TTC6: variants seen among roughly 807,000 people sequenced by gnomAD.
TTC6 encodes the protein tetratricopeptide repeat domain 6, also known as tetratricopeptide repeat protein 6.
Under a neutral mutation model 210.4 loss-of-function variants are expected in TTC6, and 172 were observed. The ratio of observed to expected loss-of-function variants is 0.82; its 90% CI spans 0.72 to 0.93. The LOEUF (loss-of-function observed/expected upper bound fraction) is 0.93. Ranked by LOEUF, TTC6 falls within the 40% of genes least tolerant of loss-of-function variation. The pLI is 0.00. For missense variants in TTC6, 2,414 were observed against 2,318.1 expected, an observed-to-expected ratio of 1.04 and a Z score of -0.85; for synonymous variants, 804 against 819.6, an observed-to-expected ratio of 0.98 and a Z score of 0.32.
upstream of TTC6, among the ~76,000 whole-genome samples, chr14:37,617,086 C>T (rs555800009): frequency 2.5e-4 from 38 of 152,170 alleles, no homozygotes; most frequent in African/African-American, 9.2e-4. Flanking sequence ...ATGTTGCCTT[C>T]GTTGGTCTTG....
At chr14:37,686,817 C>T (rs1219578834) in intron 3 of TTC6, among the ~76,000 whole-genome samples, 1 of 152,204 alleles carries the variant, frequency 6.6e-6, no homozygotes, top group African/African-American at 2.4e-5. Context: ...CTGGGTCTCT[C>T]ACACAACATG....
intron 14 of TTC6, among the ~76,000 whole-genome samples, chr14:37,775,400 G>A (rs2096034069): frequency 6.6e-6 from 1 of 152,174 alleles, no homozygotes; most frequent in Non-Finnish European, 1.5e-5. Context: ...TGCGTTAGCT[G>A]TATCCCAGAG....
At chr14:37,806,268 T>G (rs1436438231) in intron 21 of TTC6, 93 bp from the exon 24 acceptor site, 1 of 1,287,710 alleles carries the variant, frequency 7.8e-7, no homozygotes, top group Non-Finnish European at 1.0e-6. Flanking sequence ...AGTGAAACTT[T>G]TCAACAATAA....
chr14:37,656,041 G>A (rs1351312990), intron 1 of TTC6, among the ~76,000 whole-genome samples: 1 of 152,114 alleles, frequency 6.6e-6, no homozygotes, highest in Non-Finnish European at 1.5e-5. Flanking sequence ...CTAATCTCTT[G>A]TTAGTTATCT....
chr14:37,681,948 G>T (rs1595098516), intron 2 of TTC6, among the ~76,000 whole-genome samples: 1 of 152,094 alleles, frequency 6.6e-6, no homozygotes, highest in Non-Finnish European at 1.5e-5. Context: ...CAGTTAGATG[G>T]GGTCATGTAG....
intron 15 of TTC6, 92 bp downstream of exon 17, chr14:37,787,729 A>G: frequency 3.0e-6 from 3 of 1,004,354 alleles, no homozygotes; most frequent in Non-Finnish European, 4.1e-6. Flanking sequence ...GGGTTCACTA[A>G]TGTAATATGT....
chr14:37,749,293 T>A, exon 11 of TTC6: 1 of 1,523,178 alleles, frequency 6.6e-7, no homozygotes, highest in Non-Finnish European at 8.8e-7. Flanking sequence ...AGATTTTGAC[T>A]GAAGAAATAA....
At chr14:37,740,032 T>C (rs7492920) in intron 10 of TTC6, among the ~76,000 whole-genome samples, 96,158 of 151,256 alleles carry the variant, frequency 0.64, 31,763 homozygotes, top group East Asian at 0.89. Context: ...GGCGTGATGG[T>C]GGGCACCTGT....
At chr14:37,769,270 G>C (rs1014473107) in intron 14 of TTC6, among the ~76,000 whole-genome samples, 2 of 151,448 alleles carry the variant, frequency 1.3e-5, no homozygotes, top group African/African-American at 4.9e-5. Context: ...TCTCTTTTTT[G>C]ATTGTGTCTC....
At chr14:37,841,649 G>T (rs2096210418) in exon 30 of TTC6, 2 of 1,603,708 alleles carry the variant, frequency 1.2e-6, no homozygotes, top group Non-Finnish European at 1.7e-6. Context: ...ATATGAACTA[G>T]CTGAGGAAGA....
At chr14:37,780,589 T>C (rs545141165) in intron 14 of TTC6, among the ~76,000 whole-genome samples, 1 of 152,202 alleles carries the variant, frequency 6.6e-6, no homozygotes, top group Non-Finnish European at 1.5e-5. Context: ...CTCATTTTCT[T>C]TTATGGCTGT....
intron 1 of TTC6, among the ~76,000 whole-genome samples, chr14:37,669,049 T>A (rs1219711062): frequency 1.3e-5 from 2 of 152,228 alleles, no homozygotes; most frequent in African/African-American, 4.8e-5. Flanking sequence ...AATAGCTTGA[T>A]AACTTGAATA....
chr14:37,638,076 C>A (rs1429522956), intron 1 of TTC6, among the ~76,000 whole-genome samples: 1 of 152,082 alleles, frequency 6.6e-6, no homozygotes. Flanking sequence ...TAACTGTCAA[C>A]AACCCAGATG....
intron 1 of TTC6, among the ~76,000 whole-genome samples, chr14:37,629,200 A>G (rs2095665260): frequency 6.6e-6 from 1 of 152,144 alleles, no homozygotes; most frequent in Admixed American, 6.5e-5. Context: ...TTTGGGCAGT[A>G]TGGCCATTTT....
intron 1 of TTC6, among the ~76,000 whole-genome samples, chr14:37,639,523 T>G (rs2095687543): frequency 6.6e-6 from 1 of 152,094 alleles, no homozygotes; most frequent in African/African-American, 2.4e-5. Context: ...ACATAACATT[T>G]GGATGCTTTC....
exon 24 of TTC6, chr14:37,808,746 C>G (rs749088763): frequency 6.7e-7 from 1 of 1,486,444 alleles, no homozygotes; most frequent in South Asian, 1.3e-5. Flanking sequence ...TATAAGCTAG[C>G]AATTACAGAT....
intron 14 of TTC6, among the ~76,000 whole-genome samples, chr14:37,776,687 C>T (rs2096038547): frequency 6.6e-6 from 1 of 151,918 alleles, no homozygotes; most frequent in African/African-American, 2.4e-5. Context: ...GTCAGGAGTT[C>T]AAGACCAGCC....
intron 6 of TTC6, among the ~76,000 whole-genome samples, chr14:37,719,060 G>C (rs1046768647): frequency 6.6e-6 from 1 of 152,154 alleles, no homozygotes; most frequent in Admixed American, 6.5e-5. Context: ...TGTGTCTACA[G>C]ATGAACATGT....
At chr14:37,704,094 A>T (rs1340115271) in intron 5 of TTC6, among the ~76,000 whole-genome samples, 5 of 152,242 alleles carry the variant, frequency 3.3e-5, no homozygotes, top group East Asian at 1.9e-4. Flanking sequence ...TTATACAAAA[A>T]TTTTTTAATA....
Sources: allele counts gnomAD v4.1 joint callset (sites outside exome capture counted in the v4.1 genomes callset), GRCh38; gene constraint gnomAD v4.1.1; transcripts MANE v1.5; gene names NCBI Gene and HGNC (gene_info 2026-07-23, HGNC 2026-07-21).